COPG2: variants seen among roughly 807,000 people sequenced by gnomAD.
The protein encoded by COPG2 is coatomer subunit gamma-2.
COPG2 carries 37 observed loss-of-function variants against 46.3 expected under a neutral mutation model. The observed-to-expected ratio is 0.80, with a 90% confidence interval of 0.61 to 1.05. The LOEUF is 1.05. Ranked by LOEUF, COPG2 falls within the 50% of genes least tolerant of loss-of-function variation. The probability of loss-of-function intolerance (pLI) is 0.00; values close to 1 mark genes in which losing one functional copy is unlikely to be tolerated. For missense variants in COPG2, 427 were observed against 387.8 expected, an observed-to-expected ratio of 1.10 and a Z score of -0.85; for synonymous variants, 159 against 129.7, an observed-to-expected ratio of 1.23 and a Z score of -1.53.
At chr7:130,572,952 C>A (rs1793934339) in intron 9 of COPG2, among the ~76,000 whole-genome samples, 1 of 151,804 alleles carries the variant, frequency 6.6e-6, no homozygotes, top group Non-Finnish European at 1.5e-5. Flanking sequence ...AATTCACAAA[C>A]CTTCATCTAA....
At chr7:130,668,536 C>T in intron 1 of COPG2, 96 bp downstream of exon 1, 5 of 1,176,296 alleles carry the variant, frequency 4.3e-6, no homozygotes, top group Non-Finnish European at 5.7e-6. Flanking sequence ...CGGCGGCGCC[C>T]ACGCCCCCAG....
At chr7:130,637,363 T>C (rs951912624) in intron 5 of COPG2, among the ~76,000 whole-genome samples, 6 of 152,206 alleles carry the variant, frequency 3.9e-5, no homozygotes, top group Non-Finnish European at 7.3e-5. Context: ...GGTACGCCAA[T>C]CAAACGTAGG....
At chr7:130,617,927 C>T (rs1315707974) in intron 5 of COPG2, among the ~76,000 whole-genome samples, 1 of 151,504 alleles carries the variant, frequency 6.6e-6, no homozygotes, top group Non-Finnish European at 1.5e-5. Flanking sequence ...ATGACTAAAC[C>T]CCATCTCTAC....
chr7:130,634,068 C>G (rs1407042774), intron 5 of COPG2, among the ~76,000 whole-genome samples: 1 of 152,048 alleles, frequency 6.6e-6, no homozygotes, highest in East Asian at 1.9e-4. Context: ...TGTTCTTTTC[C>G]GTTGGTCTAT....
At chr7:130,522,785 G>C (rs934173008) in intron 20 of COPG2, among the ~76,000 whole-genome samples, 1 of 151,886 alleles carries the variant, frequency 6.6e-6, no homozygotes, top group Admixed American at 6.6e-5. Flanking sequence ...GTAAAAAAAC[G>C]AACAAACAAA....
At chr7:130,508,922 AAGAAAGCAGC>A in intron 20 of COPG2, 1 of 527,544 alleles carries the variant, frequency 1.9e-6, no homozygotes, top group South Asian at 1.8e-5. Flanking sequence ...TATTGGTATG[AAGAAAGCAGC>A]AGAGAGGTAC....
At chr7:130,603,541 C>CA (rs1479532707) in intron 9 of COPG2, among the ~76,000 whole-genome samples, 1 of 151,644 alleles carries the variant, frequency 6.6e-6, no homozygotes, top group Non-Finnish European at 1.5e-5. Flanking sequence ...CGAACATGGT[C>CA]ACACTCCGTC....
intron 17 of COPG2, among the ~76,000 whole-genome samples, chr7:130,549,939 G>A (rs1793509030): frequency 6.6e-6 from 1 of 151,924 alleles, no homozygotes; most frequent in African/African-American, 2.4e-5. Flanking sequence ...AATAGGAGGC[G>A]ACAGCACTAT....
At chr7:130,539,337 CAG>C (rs1220275485) in intron 20 of COPG2, among the ~76,000 whole-genome samples, 1 of 151,520 alleles carries the variant, frequency 6.6e-6, no homozygotes, top group Non-Finnish European at 1.5e-5. Flanking sequence ...CTTCATGGAA[CAG>C]AAAGAGAAAA....
intron 4 of COPG2, among the ~76,000 whole-genome samples, chr7:130,659,356 A>AAAAAAAAAAAAAAAC (rs1563073666): frequency 6.8e-6 from 1 of 147,188 alleles, no homozygotes; most frequent in African/African-American, 2.5e-5. Context: ...CTCCGTCTCA[A>AAAAAAAAAAAAAAAC]AAAAAAAAAA....
In COPG2 at chr7:130,633,305, T is replaced by C. The variant is rs1035441324; in HGVS notation, c.324-16240A>G. On this transcript the variant is annotated intron_variant, in intron 5 of 23. Coordinates refer to ENST00000425248, the MANE Select transcript of COPG2 (RefSeq NM_012133.6). ...TAAAGGTATTTCTGGTTCTAGATCC[T>C]TGAGGAATCGCCACACTGTCTTCCA... is the stretch of plus-strand genomic sequence containing the variant. Among the ~76,000 whole-genome samples, 4 of 152,316 alleles carry C rather than the reference T, an allele frequency of 2.6e-5. No individual in the cohort carries two copies. In the South Asian group the frequency reaches 6.2e-4, roughly 24 times the overall value.
intron 9 of COPG2, 89 bp downstream of exon 9, chr7:130,610,864 C>T: frequency 2.3e-6 from 3 of 1,314,284 alleles, no homozygotes; most frequent in African/African-American, 2.9e-5. Context: ...GTTAGCACTG[C>T]CCCAAAAAAA....
intron 12 of COPG2, 114 bp downstream of exon 12, chr7:130,560,919 G>A (rs2116401369): frequency 2.5e-6 from 1 of 396,752 alleles, no homozygotes; most frequent in African/African-American, 2.1e-5. Flanking sequence ...GAAAAAAATT[G>A]ATAAATTAGA....
At chr7:130,564,482 C>T (rs955564811) in intron 9 of COPG2, 89 bp from the exon 10 acceptor site, 1 of 398,002 alleles carries the variant, frequency 2.5e-6, no homozygotes, top group Non-Finnish European at 4.4e-6. Flanking sequence ...GATTGAGAGG[C>T]ACTTCTGGAA....
intron 5 of COPG2, among the ~76,000 whole-genome samples, chr7:130,649,964 A>G (rs1473079023): frequency 2.0e-5 from 3 of 152,208 alleles, no homozygotes; most frequent in Non-Finnish European, 2.9e-5. Context: ...TAGAAGTCCA[A>G]CACTTGTCTC....
chr7:130,575,157 C>G (rs868960903), intron 9 of COPG2, among the ~76,000 whole-genome samples: 2 of 152,064 alleles, frequency 1.3e-5, no homozygotes, highest in Non-Finnish European at 2.9e-5. Context: ...AAAATTTCCC[C>G]GGCCTTGCAA....
intron 5 of COPG2, among the ~76,000 whole-genome samples, chr7:130,633,144 T>C (rs1270098984): frequency 2.6e-5 from 4 of 152,244 alleles, no homozygotes; most frequent in Admixed American, 6.5e-5. Flanking sequence ...CAATCTATCA[T>C]TGACGGGCAT....
At chr7:130,664,028 T>G (rs1459892275) in intron 3 of COPG2, among the ~76,000 whole-genome samples, 1 of 152,158 alleles carries the variant, frequency 6.6e-6, no homozygotes, top group Non-Finnish European at 1.5e-5. Flanking sequence ...CTTGAGCCAC[T>G]GCGCCTGGCC....
intron 5 of COPG2, among the ~76,000 whole-genome samples, chr7:130,623,277 T>C (rs1243619426): frequency 6.6e-6 from 1 of 152,294 alleles, no homozygotes; most frequent in East Asian, 1.9e-4. Context: ...ACATTTGGGG[T>C]ACAGATGGGA....
Sources: gnomAD v4.1 joint callset for allele counts (sites outside exome capture counted in the v4.1 genomes callset) on GRCh38, gnomAD v4.1.1 for gene constraint, MANE v1.5 for transcripts, NCBI Gene and HGNC (gene_info 2026-07-23, HGNC 2026-07-21) for gene names.